IGF2BP3: variants seen among roughly 807,000 people sequenced by gnomAD.
IGF2BP3 encodes insulin like growth factor 2 mRNA binding protein 3.
In IGF2BP3, 9 loss-of-function variants were observed where a neutral mutation model predicts 73.8. The ratio of observed to expected loss-of-function variants is 0.12; its 90% confidence interval spans 0.07 to 0.21. The LOEUF is 0.21. IGF2BP3 is among the 10% of genes least tolerant of loss of function. The pLI is 1.00. For synonymous variants in IGF2BP3, 258 were observed against 256.7 expected, an observed-to-expected ratio of 1.01 and a Z score of -0.05; for missense variants, 542 against 714.0, an observed-to-expected ratio of 0.76 and a Z score of 2.75.
intron 10 of IGF2BP3, among the ~76,000 whole-genome samples, chr7:23,326,950 G>C (rs1583888034): frequency 1.4e-5 from 2 of 148,102 alleles, no homozygotes; most frequent in Admixed American, 1.3e-4. Flanking sequence ...ATAGCACTGG[G>C]AGATATACCT....
At chr7:23,443,167 A>C (rs1178414363) in intron 2 of IGF2BP3, among the ~76,000 whole-genome samples, 1 of 126,880 alleles carries the variant, frequency 7.9e-6, no homozygotes, top group Admixed American at 1.0e-4. Flanking sequence ...GGCTGGTGAC[A>C]CCACACCCAG....
Position 23,445,712 on chromosome 7 carries a change from G to C in IGF2BP3, c.236+22770C>G, listed in dbSNP as rs569984614. ...AAAATGCCAGAGACTGGGGAAAAAT[G>C]CATGATCATGAGCTAAAGTTAGACT... On this transcript the variant is annotated intron_variant, in intron 2 of 14. Transcript: ENST00000258729. Among the ~76,000 whole-genome samples the C allele has an allele frequency of 5.3e-5, 8 of 152,272 alleles. No individual in the cohort carries two copies. The South Asian group carries it at 1.2e-3, about 24-fold the overall frequency.
intron 2 of IGF2BP3, among the ~76,000 whole-genome samples, chr7:23,444,672 G>A (rs1444082850): frequency 2.6e-5 from 4 of 151,430 alleles, no homozygotes; most frequent in Non-Finnish European, 4.4e-5. Context: ...GAACCTGGGA[G>A]GTGGAGGGTG....
At chr7:23,412,922 C>T (rs1338883350) in intron 3 of IGF2BP3, among the ~76,000 whole-genome samples, 5 of 117,168 alleles carry the variant, frequency 4.3e-5, no homozygotes, top group South Asian at 3.1e-4. Flanking sequence ...TGCAGTGGTG[C>T]GATCTTGGCT....
At chr7:23,344,451 A>G (rs1174205170) in intron 8 of IGF2BP3, among the ~76,000 whole-genome samples, 3 of 152,236 alleles carry the variant, frequency 2.0e-5, no homozygotes, top group Non-Finnish European at 4.4e-5. Context: ...CTTGACTAAA[A>G]TTTAAAATGG....
At chr7:23,441,393 T>G (rs1002458129) in intron 2 of IGF2BP3, among the ~76,000 whole-genome samples, 2 of 151,488 alleles carry the variant, frequency 1.3e-5, no homozygotes, top group Non-Finnish European at 2.9e-5. Context: ...GCCAACATGG[T>G]GAAACCCCAT....
chr7:23,423,122 G>A (rs1787397982), intron 2 of IGF2BP3, among the ~76,000 whole-genome samples: 1 of 152,210 alleles, frequency 6.6e-6, no homozygotes. Flanking sequence ...CATTTGCTCA[G>A]TAACTAATCT....
intron 3 of IGF2BP3, chr7:23,396,378 G>A (rs1189574381): frequency 6.4e-6 from 1 of 155,162 alleles, no homozygotes; most frequent in Non-Finnish European, 1.4e-5. Context: ...ACTGCACTGG[G>A]CAACAGAGAA....
intron 10 of IGF2BP3, among the ~76,000 whole-genome samples, chr7:23,330,816 G>C (rs764509530): frequency 6.6e-6 from 1 of 152,130 alleles, no homozygotes; most frequent in African/African-American, 2.4e-5. Flanking sequence ...TTCTGAGACG[G>C]AGTCTTGCTC....
intron 11 of IGF2BP3, among the ~76,000 whole-genome samples, chr7:23,318,017 G>C (rs1583875117): frequency 6.6e-6 from 1 of 152,114 alleles, no homozygotes; most frequent in African/African-American, 2.4e-5. Context: ...ATGGAAGGCT[G>C]GAGAAATTGA....
intron 10 of IGF2BP3, among the ~76,000 whole-genome samples, chr7:23,340,833 CTTTCTT>C (rs1274881879): frequency 2.0e-4 from 30 of 150,518 alleles, no homozygotes; most frequent in Middle Eastern, 3.5e-3. Context: ...TAAAATATTT[CTTTCTT>C]TTTCTTTTTC....
At chr7:23,345,880 C>T (rs918236734) in intron 8 of IGF2BP3, 60 bp downstream of exon 8, 3 of 1,576,374 alleles carry the variant, frequency 1.9e-6, no homozygotes, top group African/African-American at 2.7e-5. Flanking sequence ...AAGCCCAATA[C>T]ACAACATGCA....
rs763360484 is a variant in IGF2BP3 at position 23,376,540 on chromosome 7, GAAAAAAAAA to G, written c.286-14808_286-14800del. 3.4e-5 allele frequency among the ~76,000 whole-genome samples: 3 copies of G among 88,672 alleles called. No homozygotes were observed. The Admixed American group carries it at 3.8e-4, about 11-fold the overall frequency. 58.2% of individuals were successfully genotyped at this position (88,672 alleles called of 152,430 possible). On this transcript the variant is annotated intron_variant, in intron 3 of 14. Coordinates refer to ENST00000258729, the MANE Select transcript of IGF2BP3 (RefSeq NM_006547.3). Reference sequence around the variant, plus strand: ...ACAGAGTAAGGCTCCATCTCCCAAAGAAAAAAAAAAAAAAAAAAGAAAGAAAGAAAGAAA... The same window carrying G: ...ACAGAGTAAGGCTCCATCTCCCAAAGAAAAAAAAAGAAAGAAAGAAAGAAA...
chr7:23,324,915 C>A (rs1171488034), intron 10 of IGF2BP3, among the ~76,000 whole-genome samples: 4 of 136,328 alleles, frequency 2.9e-5, no homozygotes, highest in Non-Finnish European at 4.7e-5. Context: ...ATTGATGGGA[C>A]GTATCTCAAA....
intron 5 of IGF2BP3, 47 bp from the exon 6 acceptor site, chr7:23,351,633 T>C (rs774603483): frequency 1.3e-6 from 2 of 1,593,704 alleles, no homozygotes; most frequent in African/African-American, 2.7e-5. Context: ...TCAGGCTATA[T>C]GACACATCTT....
chr7:23,469,988 G>T lies in IGF2BP3; in HGVS notation c.123C>A (p.Phe41Leu). The part of the protein sequence containing the change: ...GPFLVKTGYA[F>L]VDCPDESWAL... ...CCCAGCTCTCGTCCGGGCAGTCCAC[G>T]AACGCGTAGCCAGTCTTCACCAGGA... Residue 41 changes from phenylalanine to leucine, a missense_variant, in exon 1 of 15, where the codon TTC (phenylalanine) becomes TTA (leucine). Phe to Leu is a conservative substitution (Grantham distance 22). Transcript: ENST00000258729. The surrounding 1 kb of genome is among the most constrained non-coding windows in gnomAD (Gnocchi z 6.1). 1.2e-6 allele frequency: 2 copies of T among 1,612,660 alleles called. No homozygotes were observed. Among genetic ancestry groups the T allele is most frequent in the Non-Finnish European group, 1.7e-6 (2 of 1,179,752 alleles).
At chr7:23,404,611 A>G (rs563271895) in intron 3 of IGF2BP3, among the ~76,000 whole-genome samples, 74 of 152,216 alleles carry the variant, frequency 4.9e-4, no homozygotes, top group South Asian at 1.4e-3. Flanking sequence ...GTGAATATAT[A>G]CAATAGACAT....
At chr7:23,423,767 G>T (rs1156601223) in intron 2 of IGF2BP3, among the ~76,000 whole-genome samples, 1 of 150,978 alleles carries the variant, frequency 6.6e-6, no homozygotes, top group African/African-American at 2.4e-5. Context: ...ACATTTTTGA[G>T]AATGGAAAAA....
intron 3 of IGF2BP3, among the ~76,000 whole-genome samples, chr7:23,382,312 A>G (rs1785937518): frequency 6.6e-6 from 1 of 152,196 alleles, no homozygotes; most frequent in Non-Finnish European, 1.5e-5. Context: ...GAATACAACA[A>G]AACAGGTTGG....
Sources: gnomAD v4.1 joint callset for allele counts (sites outside exome capture counted in the v4.1 genomes callset) on GRCh38, gnomAD v4.1.1 for gene constraint, Gnocchi (gnomAD v3.1) non-coding constraint, MANE v1.5 for transcripts, NCBI Gene and HGNC (gene_info 2026-07-23, HGNC 2026-07-21) for gene names.